Variants in PRKAG2 observed in about 807,000 individuals in gnomAD.
The protein encoded by PRKAG2 is 5'-AMP-activated protein kinase subunit gamma-2.
In PRKAG2, 26 loss-of-function variants were observed where a neutral mutation model predicts 69.6. The ratio of observed to expected loss-of-function variants is 0.37; its 90% CI spans 0.27 to 0.52. The LOEUF is 0.52. Among genes scored for constraint, PRKAG2 ranks in the 20% least tolerant of loss-of-function variants. The pLI, the probability that PRKAG2 is intolerant of heterozygous loss-of-function variation, is 0.90. For synonymous variants in PRKAG2, 293 were observed against 285.0 expected, an observed-to-expected ratio of 1.03 and a Z score of -0.28; for missense variants, 557 against 740.0, an observed-to-expected ratio of 0.75 and a Z score of 2.87.
chr7:151,841,462 G>C (rs1323572052), intron 1 of PRKAG2, among the ~76,000 whole-genome samples: 1 of 150,220 alleles, frequency 6.7e-6, no homozygotes, highest in Non-Finnish European at 1.5e-5. Flanking sequence ...GGTAGTGATA[G>C]TAGTGATGGT....
chr7:151,677,064 T>C (rs1833061769), intron 3 of PRKAG2, among the ~76,000 whole-genome samples: 1 of 152,228 alleles, frequency 6.6e-6, no homozygotes, highest in African/African-American at 2.4e-5. Context: ...GGCTAAATTT[T>C]AGTTGTTTTA....
At chr7:151,741,266 G>A (rs981957618) in intron 3 of PRKAG2, among the ~76,000 whole-genome samples, 1 of 152,056 alleles carries the variant, frequency 6.6e-6, no homozygotes, top group Non-Finnish European at 1.5e-5. Flanking sequence ...AACATCTTTA[G>A]GAAAAGACCT....
In PRKAG2 at chr7:151,876,739, G is replaced by C. The variant is rs1198772074; in HGVS notation, c.-119C>G. On this transcript the variant is annotated 5_prime_UTR_variant, in exon 1 of 16. Transcript: ENST00000287878. ...CTCTGTTACACCCTGAAGCCACCTC[G>C]TGGGGACTTCCGCGGAGAGGGAGGG... 6 of 973,624 alleles carry C rather than the reference G, an allele frequency of 6.2e-6. No homozygotes were observed. The East Asian group carries it at 1.3e-4, about 21-fold the overall frequency. The allele number at this position is 973,624 out of a possible 1,614,324, so 60.3% of individuals were successfully genotyped here. A position where few individuals can be genotyped will look rare whatever the true frequency, so the allele number is the denominator to read the frequency against.
intron 1 of PRKAG2, among the ~76,000 whole-genome samples, chr7:151,849,479 C>T (rs2079518170): frequency 6.6e-6 from 1 of 152,210 alleles, no homozygotes; most frequent in Non-Finnish European, 1.5e-5. Flanking sequence ...TGACAAGAAA[C>T]ACCAAGTCCT....
chr7:151,583,188 T>G lies in PRKAG2; in HGVS notation c.865-6736A>C, dbSNP rs1314160603. Among the ~76,000 whole-genome samples, 1 of 152,140 alleles carries G rather than the reference T, an allele frequency of 6.6e-6. No homozygotes were observed. The highest frequency in any genetic ancestry group is 1.5e-5 in the Non-Finnish European group (1 of 68,022). On this transcript the variant is annotated intron_variant, in intron 6 of 15. Transcript: ENST00000287878. The surrounding 1 kb of genome is among the most constrained non-coding windows in gnomAD (Gnocchi z 4.1). ...GGCATATGCCACCATGCTCAGCTAA[T>G]TTTTAAATCTTTTTGTAGAGATGGG...
At chr7:151,803,465 C>T (rs2077945483) in intron 1 of PRKAG2, among the ~76,000 whole-genome samples, 1 of 152,144 alleles carries the variant, frequency 6.6e-6, no homozygotes, top group South Asian at 2.1e-4. Context: ...CTTCCTACCT[C>T]GAGTGTCCTG....
At chr7:151,680,685 C>T (rs563157644) in intron 3 of PRKAG2, among the ~76,000 whole-genome samples, 1 of 152,326 alleles carries the variant, frequency 6.6e-6, no homozygotes, top group South Asian at 2.1e-4. Flanking sequence ...CACTGCTTTG[C>T]TTTTGAGCCA....
rs121908987 is a variant in PRKAG2 at position 151,576,412 on chromosome 7, C to A, written c.905G>T (p.Arg302Leu). The A allele has an allele frequency of 6.2e-7, 1 of 1,611,540 alleles. No homozygotes were observed. Among genetic ancestry groups the A allele is most frequent in the South Asian group, 1.1e-5 (1 of 90,976 alleles). ...TTTACTCTCCCACAGTGGCGCTGCTCGGACACCGTTGGCTACCAAAGCAAA... is the reference window on the plus strand; with the variant it reads ...TTTACTCTCCCACAGTGGCGCTGCTAGGACACCGTTGGCTACCAAAGCAAA... The part of the protein sequence containing the change: ...AFFALVANGV[R>L]AAPLWESKKQ... The change falls in exon 7 of 16, where the codon CGA becomes CTA. Residue 302 changes from arginine to leucine, a missense_variant. This residue lies in a region of PRKAG2 where 205 missense variants were observed against 383.4 expected (regional missense o/e 0.53). Coordinates refer to ENST00000287878, the MANE Select transcript of PRKAG2 (RefSeq NM_016203.4).
intron 4 of PRKAG2, among the ~76,000 whole-genome samples, chr7:151,654,959 C>T (rs1223757240): frequency 6.6e-6 from 1 of 152,212 alleles, no homozygotes; most frequent in Non-Finnish European, 1.5e-5. Context: ...TCTCAAAGTG[C>T]TGGGATTACA....
At chr7:151,622,460 G>A (rs1821761360) in intron 5 of PRKAG2, among the ~76,000 whole-genome samples, 1 of 152,186 alleles carries the variant, frequency 6.6e-6, no homozygotes, top group Non-Finnish European at 1.5e-5. Context: ...CATTGGCAGA[G>A]CCATTACAAT....
At chr7:151,561,542 C>T (rs1340168358) in intron 14 of PRKAG2, among the ~76,000 whole-genome samples, 1 of 152,208 alleles carries the variant, frequency 6.6e-6, no homozygotes, top group Non-Finnish European at 1.5e-5. Context: ...TAGTTTTCTA[C>T]TCTGAAATCT....
chr7:151,608,407 C>G (rs1412407077), intron 5 of PRKAG2, among the ~76,000 whole-genome samples: 1 of 152,212 alleles, frequency 6.6e-6, no homozygotes, highest in African/African-American at 2.4e-5. Flanking sequence ...TTTTGACATG[C>G]CTGTTAATGC....
At chr7:151,642,556 C>G (rs1174847802) in intron 4 of PRKAG2, among the ~76,000 whole-genome samples, 3 of 152,210 alleles carry the variant, frequency 2.0e-5, no homozygotes, top group African/African-American at 7.2e-5. Flanking sequence ...ATTAATTCTG[C>G]TGATTGCTTT....
At chr7:151,618,812 G>C (rs1023857379) in intron 5 of PRKAG2, among the ~76,000 whole-genome samples, 2 of 152,098 alleles carry the variant, frequency 1.3e-5, no homozygotes, top group African/African-American at 4.8e-5. Flanking sequence ...AAAGTGCCTA[G>C]AAACATGAAC....
chr7:151,584,773 T>C (rs557999309), intron 6 of PRKAG2, among the ~76,000 whole-genome samples: 2 of 152,314 alleles, frequency 1.3e-5, no homozygotes, highest in East Asian at 3.9e-4. Context: ...GGTGCACGCC[T>C]GTAGTCTCAG....
intron 10 of PRKAG2, 125 bp from the exon 11 acceptor site, chr7:151,568,967 G>A (rs1378840820): frequency 2.6e-6 from 3 of 1,166,004 alleles, no homozygotes; most frequent in Non-Finnish European, 3.8e-6. Context: ...TTTTGGAAGA[G>A]TTTTAAATTA....
chr7:151,774,395 CTGTCTTAGAG>C (rs1285641498), intron 3 of PRKAG2, among the ~76,000 whole-genome samples: 3 of 152,326 alleles, frequency 2.0e-5, no homozygotes, highest in African/African-American at 7.2e-5. Context: ...GTTCCCCCTC[CTGTCTTAGAG>C]TGTCTTAGAA....
At chr7:151,649,246 C>T (rs955812494) in intron 4 of PRKAG2, among the ~76,000 whole-genome samples, 2 of 152,280 alleles carry the variant, frequency 1.3e-5, no homozygotes, top group East Asian at 1.9e-4. Context: ...CTGCCTCAGC[C>T]TCCTGAGTAG....
At chr7:151,746,647 C>T (rs1487877400) in intron 3 of PRKAG2, among the ~76,000 whole-genome samples, 2 of 152,354 alleles carry the variant, frequency 1.3e-5, no homozygotes, top group African/African-American at 2.4e-5. Flanking sequence ...GAAAGGACCT[C>T]GCGTGAACAG....
Sources: allele counts gnomAD v4.1 joint callset (sites outside exome capture counted in the v4.1 genomes callset), GRCh38; gene constraint gnomAD v4.1.1; regional missense constraint gnomAD v4.1.1; non-coding constraint Gnocchi (gnomAD v3.1); transcripts MANE v1.5; gene names NCBI Gene and HGNC (gene_info 2026-07-23, HGNC 2026-07-21).